ZNF131: variants seen among roughly 807,000 people sequenced by gnomAD.
ZNF131 encodes the protein zinc finger protein 131.
Under a neutral mutation model 60.0 loss-of-function variants are expected in ZNF131, and 7 were observed. That is an observed-to-expected ratio of 0.12 (90% CI 0.07 to 0.22). The LOEUF is 0.22. Ranked by LOEUF, ZNF131 falls within the 10% of genes least tolerant of loss-of-function variation. The pLI is 1.00. For synonymous variants in ZNF131, 257 were observed against 253.2 expected (o/e 1.01, Z -0.14); for missense variants, 493 against 740.9 (o/e 0.67, Z 3.88).
At chr5:43,122,247 T>TTG in intron 2 of ZNF131, 70 bp downstream of exon 2, 1 of 66,698 alleles carries the variant, frequency 1.5e-5, no homozygotes. Context: ...GACACCCGCC[T>TTG]TTTTTTTTTT....
chr5:43,175,716 TG>T lies in ZNF131; in HGVS notation c.*584del. ...AGTGGTGGTGGCAAAATTTCTAGAA[TG>T]TTAAAAAAAAAAAAAAATCCACACC... On this transcript the variant is annotated 3_prime_UTR_variant, in exon 7 of 7. Transcript: ENST00000682664. The T allele has an allele frequency of 2.9e-5, 5 of 172,886 alleles. No homozygotes were observed. Among genetic ancestry groups the T allele is most frequent in the Admixed American group, 1.5e-4 (1 of 6,722 alleles). 10.7% of individuals were successfully genotyped at this position (172,886 alleles called of 1,614,324 possible).
At chr5:43,163,552 C>T (rs1175595639) in intron 5 of ZNF131, among the ~76,000 whole-genome samples, 4 of 152,220 alleles carry the variant, frequency 2.6e-5, no homozygotes, top group African/African-American at 9.6e-5. Flanking sequence ...TGACCTTGCT[C>T]AGGTTTCTTG....
intron 5 of ZNF131, among the ~76,000 whole-genome samples, chr5:43,170,499 T>C (rs1220607770): frequency 1.3e-5 from 2 of 152,188 alleles, no homozygotes; most frequent in African/African-American, 2.4e-5. Flanking sequence ...CACTTCAGTG[T>C]CTGATTTATC....
intron 3 of ZNF131, among the ~76,000 whole-genome samples, chr5:43,127,259 G>A (rs187884736): frequency 7.9e-5 from 12 of 152,232 alleles, no homozygotes; most frequent in African/African-American, 2.6e-4. Context: ...CCAGGGAAGC[G>A]ATTACAAATA....
At chr5:43,166,386 A>T (rs965360432) in intron 5 of ZNF131, among the ~76,000 whole-genome samples, 6 of 150,826 alleles carry the variant, frequency 4.0e-5, no homozygotes, top group African/African-American at 1.2e-4. Flanking sequence ...TTGGAGACAG[A>T]GTCTTGCTCT....
In ZNF131 at chr5:43,139,274, A is replaced by G. The variant is rs373790595; in HGVS notation, c.336A>G (p.Leu112=). 12 of 1,612,492 alleles carry G rather than the reference A, an allele frequency of 7.4e-6. No individual in the cohort carries two copies. The highest frequency in any genetic ancestry group is 2.7e-5 in the African/African-American group (2 of 74,854). ...ANDVWKAAEF[L]QMLEAIKALE... is the part of the protein sequence containing the mutation. Reference sequence around the variant, plus strand: ...ATGTATGGAAAGCAGCAGAGTTTCTACAAATGCTAGAAGCTATCAAAGCCC... The same window carrying G: ...ATGTATGGAAAGCAGCAGAGTTTCTGCAAATGCTAGAAGCTATCAAAGCCC... The change falls in exon 4 of 7, where the codon CTA becomes CTG. Residue 112 remains leucine (L), a synonymous_variant. Coordinates refer to ENST00000682664, the MANE Select transcript of ZNF131 (RefSeq NM_001330707.2).
At chr5:43,133,656 G>T (rs1745653426) in intron 3 of ZNF131, among the ~76,000 whole-genome samples, 1 of 152,192 alleles carries the variant, frequency 6.6e-6, no homozygotes, top group Admixed American at 6.5e-5. Context: ...AGTTTACAGA[G>T]TTGAACCTTG....
chr5:43,157,977 A>AT (rs1206469997), intron 4 of ZNF131, among the ~76,000 whole-genome samples: 1 of 151,948 alleles, frequency 6.6e-6, no homozygotes, highest in Non-Finnish European at 1.5e-5. Context: ...TAACCTCATT[A>AT]TTTTTTTTGA....
intron 4 of ZNF131, chr5:43,143,649 C>T (rs571028479): frequency 1.2e-3 from 227 of 185,972 alleles, no homozygotes; most frequent in Middle Eastern, 8.5e-3. Flanking sequence ...ACTGAACAAA[C>T]TGATCATTGG....
intron 5 of ZNF131, among the ~76,000 whole-genome samples, chr5:43,172,174 T>C (rs1325981329): frequency 6.6e-6 from 1 of 152,258 alleles, no homozygotes; most frequent in Non-Finnish European, 1.5e-5. Context: ...TTTCCTTGTT[T>C]TCTTTACTTC....
intron 5 of ZNF131, among the ~76,000 whole-genome samples, chr5:43,171,961 GC>G (rs1751047914): frequency 2.0e-5 from 3 of 152,028 alleles, no homozygotes; most frequent in Admixed American, 2.0e-4. Context: ...TCACTATGTT[GC>G]CCAGGCTGTT....
intron 4 of ZNF131, among the ~76,000 whole-genome samples, chr5:43,145,688 T>C (rs1747493251): frequency 6.6e-6 from 1 of 152,138 alleles, no homozygotes; most frequent in Non-Finnish European, 1.5e-5. Context: ...GTTTACAATT[T>C]ACCTCAACAC....
intron 5 of ZNF131, among the ~76,000 whole-genome samples, chr5:43,172,392 A>G (rs774965888): frequency 6.6e-6 from 1 of 152,148 alleles, no homozygotes; most frequent in African/African-American, 2.4e-5. Context: ...AGGCCAAGGC[A>G]GGCAGATCAC....
chr5:43,136,131 A>G (rs1175324030), intron 3 of ZNF131, among the ~76,000 whole-genome samples: 2 of 152,216 alleles, frequency 1.3e-5, no homozygotes, highest in Non-Finnish European at 1.5e-5. Context: ...ATGAACTGCT[A>G]TAAAATTTGA....
At chr5:43,139,091 TTTTC>T (rs1464502524) in intron 3 of ZNF131, 70 bp from the exon 4 acceptor site, 1 of 1,266,596 alleles carries the variant, frequency 7.9e-7, no homozygotes, top group Non-Finnish European at 1.0e-6. Flanking sequence ...AGCCCTGGGC[TTTTC>T]TTTCTTTACT....
At chr5:43,172,349 A>G (rs534041524) in intron 5 of ZNF131, among the ~76,000 whole-genome samples, 4 of 152,230 alleles carry the variant, frequency 2.6e-5, no homozygotes, top group African/African-American at 9.6e-5. Context: ...GGCCAGGTGC[A>G]GTGGCTCACG....
chr5:43,137,829 C>G (rs1319572264), intron 3 of ZNF131, among the ~76,000 whole-genome samples: 3 of 152,114 alleles, frequency 2.0e-5, no homozygotes, highest in Non-Finnish European at 4.4e-5. Flanking sequence ...AATAAATATT[C>G]GTCAACAGAT....
chr5:43,175,219 C>T lies in ZNF131; in HGVS notation c.*86C>T, dbSNP rs1751452246. The T allele has an allele frequency of 2.2e-6, 3 of 1,350,778 alleles. No individual in the cohort carries two copies. The highest frequency in any genetic ancestry group is 1.5e-5 in the South Asian group (1 of 67,420). 83.7% of individuals were successfully genotyped at this position (1,350,778 alleles called of 1,614,324 possible). On this transcript the variant is annotated 3_prime_UTR_variant, in exon 7 of 7. Coordinates refer to ENST00000682664, the MANE Select transcript of ZNF131 (RefSeq NM_001330707.2). The stretch of plus-strand genomic sequence containing the variant: ...TTTGACTGTCCTTAATTAAGCCTAA[C>T]AGACAAGTGGACCAAAGTTAAGCTG...
chr5:43,127,676 T>TTTC (rs1374159003), intron 3 of ZNF131, among the ~76,000 whole-genome samples: 3 of 152,256 alleles, frequency 2.0e-5, no homozygotes, highest in Non-Finnish European at 4.4e-5. Context: ...CTGGTTAAAG[T>TTTC]AAGTTACCTT....
Sources: allele counts gnomAD v4.1 joint callset (sites outside exome capture counted in the v4.1 genomes callset), GRCh38; gene constraint gnomAD v4.1.1; transcripts MANE v1.5; gene names NCBI Gene and HGNC (gene_info 2026-07-23, HGNC 2026-07-21).